VPS53: variants seen among roughly 807,000 people sequenced by gnomAD.
VPS53 encodes the protein vacuolar protein sorting-associated protein 53 homolog.
VPS53 carries 70 observed loss-of-function variants against 107.0 expected under a neutral mutation model. The ratio of observed to expected loss-of-function variants is 0.65; its 90% CI spans 0.54 to 0.80. VPS53 has a LOEUF of 0.80. Ranked by LOEUF, VPS53 falls within the 30% of genes least tolerant of loss-of-function variation. The pLI, the probability that VPS53 is intolerant of heterozygous loss-of-function variation, is 0.00. For missense variants in VPS53, 917 were observed against 1,049.4 expected (o/e 0.87, Z 1.74); for synonymous variants, 409 against 393.3 (o/e 1.04, Z -0.47).
chr17:647,595 A>T (rs1597432572), intron 7 of VPS53, among the ~76,000 whole-genome samples: 1 of 152,114 alleles, frequency 6.6e-6, no homozygotes, highest in African/African-American at 2.4e-5. Flanking sequence ...TGCAGCTCAT[A>T]AAGTCCTGTT....
intron 4 of VPS53, among the ~76,000 whole-genome samples, chr17:665,399 T>A (rs1048317466): frequency 6.6e-6 from 1 of 152,226 alleles, no homozygotes; most frequent in Non-Finnish European, 1.5e-5. Context: ...GCCTCCAGAA[T>A]TATAAGAAAT....
chr17:693,674 C>G (rs1972850225), intron 4 of VPS53, among the ~76,000 whole-genome samples: 1 of 152,164 alleles, frequency 6.6e-6, no homozygotes, highest in Non-Finnish European at 1.5e-5. Context: ...TTCAAGGTTA[C>G]CGTGAAAAAT....
chr17:615,526 G>A (rs564100396), intron 11 of VPS53, among the ~76,000 whole-genome samples: 3 of 152,220 alleles, frequency 2.0e-5, no homozygotes, highest in South Asian at 2.1e-4. Flanking sequence ...TGGGGATGAC[G>A]TACAGCCTAG....
intron 13 of VPS53, among the ~76,000 whole-genome samples, chr17:566,021 G>C (rs1188944683): frequency 6.6e-6 from 1 of 151,808 alleles, no homozygotes; most frequent in Non-Finnish European, 1.5e-5. Flanking sequence ...GGCTAAAACG[G>C]TGAAACCCCG....
chr17:646,561 G>C, intron 7 of VPS53, among the ~76,000 whole-genome samples: 1 of 27,720 alleles, frequency 3.6e-5, no homozygotes, highest in African/African-American at 1.2e-4. Flanking sequence ...TGACCGCATG[G>C]CCACTGCCTC....
intron 8 of VPS53, 89 bp downstream of exon 8, chr17:631,461 G>A (rs1228032455): frequency 7.3e-7 from 1 of 1,377,100 alleles, no homozygotes; most frequent in Non-Finnish European, 1.0e-6. Context: ...GAGCATGACT[G>A]GAATGATAAC....
chr17:553,741 T>C (rs755315001), intron 15 of VPS53, among the ~76,000 whole-genome samples: 19 of 152,038 alleles, frequency 1.2e-4, no homozygotes, highest in Non-Finnish European at 2.5e-4. Context: ...CGGCTAATTT[T>C]ATATTTTTAG....
intron 2 of VPS53, among the ~76,000 whole-genome samples, chr17:704,368 T>C (rs1973322994): frequency 6.6e-6 from 1 of 152,110 alleles, no homozygotes; most frequent in African/African-American, 2.4e-5. Flanking sequence ...AACAGAAACA[T>C]ATTCTCACCC....
At position 548,818 on chromosome 17, in the gene VPS53, TC is replaced by T. The variant is rs1354023150; in HGVS notation, c.1866+3053del. Among the ~76,000 whole-genome samples, 10 of 152,286 alleles carry T rather than the reference TC, an allele frequency of 6.6e-5. No homozygotes were observed. In the East Asian group the frequency reaches 1.9e-3, roughly 29 times the overall value. ...ACCAAGCTCTTTAGCTTCCCTAACC[TC>T]TCTTTACTCATGTTTTCACCCTGTT... On this transcript the variant is annotated intron_variant, in intron 17 of 21. Coordinates refer to ENST00000437048, the MANE Select transcript of VPS53 (RefSeq NM_001128159.3).
At chr17:675,823 T>G (rs2143744511) in intron 4 of VPS53, among the ~76,000 whole-genome samples, 1 of 142,718 alleles carries the variant, frequency 7.0e-6, no homozygotes, top group East Asian at 2.0e-4. Context: ...CCAGAAGAAA[T>G]GCCCCCCTCC....
intron 17 of VPS53, 121 bp from the exon 18 acceptor site, chr17:537,297 C>A (rs1489707785): frequency 5.2e-5 from 60 of 1,162,156 alleles, no homozygotes; most frequent in Admixed American, 1.5e-4. Context: ...AGGAATCAGG[C>A]CCTTTTGTCC....
At chr17:610,913 G>A (rs1968840881) in intron 11 of VPS53, among the ~76,000 whole-genome samples, 1 of 151,308 alleles carries the variant, frequency 6.6e-6, no homozygotes, top group Non-Finnish European at 1.5e-5. Flanking sequence ...ACTCCAGCCT[G>A]GGCAACAGAG....
intron 3 of VPS53, among the ~76,000 whole-genome samples, chr17:697,967 C>T (rs1264848701): frequency 6.6e-6 from 1 of 152,140 alleles, no homozygotes; most frequent in Non-Finnish European, 1.5e-5. Flanking sequence ...AGCTCCTCTG[C>T]CCCCACGGTT....
intron 7 of VPS53, among the ~76,000 whole-genome samples, chr17:638,546 G>C (rs923141641): frequency 1.3e-5 from 2 of 152,164 alleles, no homozygotes; most frequent in East Asian, 1.9e-4. Context: ...TTTTGCAGTG[G>C]CTAGTACCGG....
chr17:540,004 C>CAAACCAAGTCTATCTAAAGCCCA (rs1200644998), intron 17 of VPS53, among the ~76,000 whole-genome samples: 2 of 151,902 alleles, frequency 1.3e-5, no homozygotes, highest in African/African-American at 4.8e-5. Flanking sequence ...ATCTAAAGCC[C>CAAACCAAGTCTATCTAAAGCCCA]AACCAGGTCT....
chr17:708,928 C>G (rs1973525582), intron 2 of VPS53, among the ~76,000 whole-genome samples: 1 of 152,168 alleles, frequency 6.6e-6, no homozygotes. Context: ...CAGGTTGTGC[C>G]TTCAGTCTCT....
intron 17 of VPS53, among the ~76,000 whole-genome samples, chr17:544,720 C>T (rs986965812): frequency 2.4e-4 from 36 of 152,162 alleles, no homozygotes; most frequent in African/African-American, 8.4e-4. Flanking sequence ...AATTGGGTTC[C>T]AATTCCTGGT....
Position 560,757 on chromosome 17 carries a change from A to C in VPS53, c.1557-184T>G, listed in dbSNP as rs2304950. The stretch of plus-strand genomic sequence containing the variant: ...TTGACACCGTCAGAAATAGGAAGAG[A>C]TGATTCCTATTTTAGTTAATCTGAA... On this transcript the variant is annotated intron_variant, in intron 14 of 21. Transcript: ENST00000437048. 5.2e-4 allele frequency among the ~76,000 whole-genome samples: 79 copies of C among 152,328 alleles called. 1 individual carries two copies. The East Asian group carries it at 0.015, about 28-fold the overall frequency.
chr17:590,487 C>G (rs1307418817), intron 12 of VPS53, among the ~76,000 whole-genome samples: 1 of 151,760 alleles, frequency 6.6e-6, no homozygotes, highest in Non-Finnish European at 1.5e-5. Context: ...CAGTTTTTGC[C>G]CATTCAGTAT....
Sources: gnomAD v4.1 joint callset for allele counts (sites outside exome capture counted in the v4.1 genomes callset) on GRCh38, gnomAD v4.1.1 for gene constraint, MANE v1.5 for transcripts, NCBI Gene and HGNC (gene_info 2026-07-23, HGNC 2026-07-21) for gene names.